SCNN1B: variants seen among roughly 807,000 people sequenced by gnomAD.
SCNN1B encodes sodium channel epithelial 1 subunit beta, also known as epithelial sodium channel subunit beta.
In SCNN1B, 46 loss-of-function variants were observed where a neutral mutation model predicts 65.3. The observed-to-expected ratio is 0.70, with a 90% confidence interval of 0.56 to 0.90. SCNN1B has a LOEUF of 0.90. Among genes scored for constraint, SCNN1B ranks in the 40% least tolerant of loss-of-function variants. The pLI, the probability that SCNN1B is intolerant of heterozygous loss-of-function variation, is 0.00. For synonymous variants in SCNN1B, 349 were observed against 330.6 expected, an observed-to-expected ratio of 1.06 and a Z score of -0.60; for missense variants, 751 against 830.5, an observed-to-expected ratio of 0.90 and a Z score of 1.18.
chr16:23,294,459 T>G, intron 2 of SCNN1B, among the ~76,000 whole-genome samples: 1 of 148,758 alleles, frequency 6.7e-6, no homozygotes. Context: ...CCAAGCTTTG[T>G]TCCCATCCCC....
intron 1 of SCNN1B, among the ~76,000 whole-genome samples, chr16:23,282,807 T>C (rs1403785492): frequency 6.6e-6 from 1 of 152,226 alleles, no homozygotes; most frequent in East Asian, 1.9e-4. Flanking sequence ...TTGATTTGTA[T>C]GTAATTAAAA....
intron 7 of SCNN1B, among the ~76,000 whole-genome samples, chr16:23,372,459 C>T (rs1596883758): frequency 6.6e-6 from 1 of 151,304 alleles, no homozygotes; most frequent in South Asian, 2.1e-4. Flanking sequence ...ATTGACAGAC[C>T]CCAGTTCAAA....
rs541937491 is a variant in SCNN1B at position 23,322,437 on chromosome 16, C to CT, written c.-9+20001dup. On this transcript the variant is annotated intron_variant, in intron 1 of 12. Transcript: ENST00000343070. ...CACCTCAGCTCCCGAGTAGCTGGGA[C>CT]TATAGGTGCACACCACCATGCTTGG... Among the ~76,000 whole-genome samples, 23 of 152,096 alleles carry CT rather than the reference C, an allele frequency of 1.5e-4. No homozygotes were observed. The East Asian group carries it at 3.9e-3, about 26-fold the overall frequency.
chr16:23,310,731 G>A (rs1337898595), intron 1 of SCNN1B, among the ~76,000 whole-genome samples: 2 of 152,206 alleles, frequency 1.3e-5, no homozygotes, highest in Non-Finnish European at 2.9e-5. Flanking sequence ...CATCCAAAAA[G>A]TTAAAGAGCA....
chr16:23,289,085 C>T (rs1960888747), intron 2 of SCNN1B, among the ~76,000 whole-genome samples: 1 of 152,186 alleles, frequency 6.6e-6, no homozygotes, highest in Non-Finnish European at 1.5e-5. Flanking sequence ...AGAAGCAAGC[C>T]ACTAGATCAG....
chr16:23,380,307 A>G lies in SCNN1B; in HGVS notation c.1543-114A>G. On this transcript the variant is annotated intron_variant, in intron 12 of 12. Transcript: ENST00000343070. The surrounding 1 kb of genome is among the most constrained non-coding windows in gnomAD (Gnocchi z 5.4). ...AGTCCCAAGTTATTCCCCTGGGCCAAGATGGTCACCCCCTCCCGTTCCCAC... is the reference window on the plus strand; with the variant it reads ...AGTCCCAAGTTATTCCCCTGGGCCAGGATGGTCACCCCCTCCCGTTCCCAC... The G allele has an allele frequency of 1.3e-6, 2 of 1,557,152 alleles. No individual in the cohort carries two copies. The highest frequency in any genetic ancestry group is 1.8e-6 in the Non-Finnish European group (2 of 1,130,860).
chr16:23,378,883 G>C (rs866185681), intron 11 of SCNN1B, 116 bp downstream of exon 11: 1 of 942,836 alleles, frequency 1.1e-6, no homozygotes, highest in Non-Finnish European at 1.7e-6. Flanking sequence ...TCAGACCGAG[G>C]AGCAAGTCTT....
At chr16:23,293,319 A>C (rs1187973302) in intron 2 of SCNN1B, among the ~76,000 whole-genome samples, 1 of 152,112 alleles carries the variant, frequency 6.6e-6, no homozygotes, top group East Asian at 1.9e-4. Context: ...CACACAATGG[A>C]ATATTATTTA....
intron 2 of SCNN1B, among the ~76,000 whole-genome samples, chr16:23,295,610 A>G (rs1167585162): frequency 6.6e-6 from 1 of 152,108 alleles, no homozygotes; most frequent in Non-Finnish European, 1.5e-5. Flanking sequence ...CCTCAGCCTC[A>G]TAAAGTGCTG....
rs369571760 is a variant in SCNN1B at position 23,367,944 on chromosome 16, C to G, written c.865C>G (p.Pro289Ala). 1.2e-6 allele frequency: 2 copies of G among 1,613,664 alleles called. No individual in the cohort carries two copies. The highest frequency in any genetic ancestry group is 1.7e-6 in the Non-Finnish European group (2 of 1,179,526). Residue 289 changes from proline to alanine, a missense_variant, in exon 5 of 13, where the codon CCT becomes GCT. Coordinates refer to ENST00000343070, the MANE Select transcript of SCNN1B (RefSeq NM_000336.3). ...MTEKALPSAN[P>A]GTEFGLKLIL... is the part of the protein sequence containing the mutation. ...AGAGAAGGCACTTCCTTCGGCCAACCCTGGAACTGAATTCGGTGAGTTTTG... is the reference window on the plus strand; with the variant it reads ...AGAGAAGGCACTTCCTTCGGCCAACGCTGGAACTGAATTCGGTGAGTTTTG...
intron 1 of SCNN1B, among the ~76,000 whole-genome samples, chr16:23,344,650 T>G (rs1272193016): frequency 6.6e-6 from 1 of 152,212 alleles, no homozygotes; most frequent in Non-Finnish European, 1.5e-5. Context: ...AACATCCTCT[T>G]ACAGCCATGA....
At chr16:23,305,378 C>T (rs1961172804) in intron 1 of SCNN1B, among the ~76,000 whole-genome samples, 1 of 150,850 alleles carries the variant, frequency 6.6e-6, no homozygotes, top group Non-Finnish European at 1.5e-5. Flanking sequence ...AATGGCCAGG[C>T]ATGGTGGTTC....
chr16:23,376,828 A>G (rs1046643395), intron 8 of SCNN1B, among the ~76,000 whole-genome samples: 17 of 152,012 alleles, frequency 1.1e-4, no homozygotes, highest in Non-Finnish European at 2.1e-4. Flanking sequence ...GAGACTCACC[A>G]CTTACAACCA....
intron 4 of SCNN1B, 97 bp from the exon 5 acceptor site, chr16:23,367,759 G>A: frequency 1.1e-6 from 1 of 952,294 alleles, no homozygotes; most frequent in Non-Finnish European, 1.7e-6. Flanking sequence ...CCCTTTCGGA[G>A]CCCCTCCAAG....
At chr16:23,343,295 A>G (rs1962090912) in intron 1 of SCNN1B, among the ~76,000 whole-genome samples, 1 of 151,836 alleles carries the variant, frequency 6.6e-6, no homozygotes. Flanking sequence ...ACTATTAATA[A>G]TACAAAATTA....
At chr16:23,370,753 G>A (rs1434267483) in intron 5 of SCNN1B, among the ~76,000 whole-genome samples, 1 of 152,218 alleles carries the variant, frequency 6.6e-6, no homozygotes, top group African/African-American at 2.4e-5. Context: ...TAGGGGAAGG[G>A]AAGGGGCAGA....
rs1020670783 is a variant in SCNN1B at position 23,380,390 on chromosome 16, T to C, written c.1543-31T>C. ...GGGCTAGAGGCAAGAATGTGTGGCCTGAGCTCACCCCAGCTCCCTGTTCCC... is the reference window on the plus strand; with the variant it reads ...GGGCTAGAGGCAAGAATGTGTGGCCCGAGCTCACCCCAGCTCCCTGTTCCC... On this transcript the variant is annotated intron_variant, in intron 12 of 12. Coordinates refer to ENST00000343070, the MANE Select transcript of SCNN1B (RefSeq NM_000336.3). The surrounding 1 kb of genome is among the most constrained non-coding windows in gnomAD (Gnocchi z 5.4). 1.4e-5 allele frequency: 22 copies of C among 1,613,694 alleles called. No individual in the cohort carries two copies. The highest frequency in any genetic ancestry group is 1.9e-5 in the Non-Finnish European group (22 of 1,180,008).
intron 1 of SCNN1B, among the ~76,000 whole-genome samples, chr16:23,323,934 C>T (rs1961639566): frequency 6.6e-6 from 1 of 152,210 alleles, no homozygotes; most frequent in Non-Finnish European, 1.5e-5. Flanking sequence ...CTACACATTT[C>T]ATCCTTCTTT....
rs143430537 is a variant in SCNN1B, at chr16:23,344,143, C to T, written c.-8-4449C>T. On this transcript the variant is annotated intron_variant, in intron 1 of 12. Transcript: ENST00000343070. ...CAATTCCCCTTTTTTTACTTAAGCA[C>T]GTTTATGAACATAAAGCAAAAGTCA... is the stretch of plus-strand genomic sequence containing the variant. Among the ~76,000 whole-genome samples the T allele has an allele frequency of 3.7e-4, 56 of 152,286 alleles. No homozygotes were observed. The East Asian group carries it at 8.1e-3, about 22-fold the overall frequency.
Sources: gnomAD v4.1 joint callset for allele counts (sites outside exome capture counted in the v4.1 genomes callset) on GRCh38, gnomAD v4.1.1 for gene constraint, Gnocchi (gnomAD v3.1) non-coding constraint, MANE v1.5 for transcripts, NCBI Gene and HGNC (gene_info 2026-07-23, HGNC 2026-07-21) for gene names.